Variants in CNOT6 observed in about 807,000 individuals in gnomAD.
CNOT6 encodes the protein carbon catabolite repression 4 protein.
In CNOT6, 12 loss-of-function variants were observed where a neutral mutation model predicts 61.2. That is an observed-to-expected ratio of 0.20 (90% CI 0.13 to 0.32). The LOEUF is 0.32. Among genes scored for constraint, CNOT6 ranks in the 10% least tolerant of loss-of-function variants. The probability of loss-of-function intolerance (pLI) is 1.00; values close to 1 mark genes in which losing one functional copy is unlikely to be tolerated. For missense variants in CNOT6, 405 were observed against 663.9 expected, an observed-to-expected ratio of 0.61 and a Z score of 4.28; for synonymous variants, 225 against 240.6, an observed-to-expected ratio of 0.94 and a Z score of 0.60.
chr5:180,542,569 G>A (rs1302052606), intron 2 of CNOT6, among the ~76,000 whole-genome samples: 1 of 152,098 alleles, frequency 6.6e-6, no homozygotes, highest in Non-Finnish European at 1.5e-5. Context: ...CCGGCCGCTT[G>A]TTAGTTTTTT....
chr5:180,510,303 T>C (rs1387843380), intron 1 of CNOT6, among the ~76,000 whole-genome samples: 1 of 152,000 alleles, frequency 6.6e-6, no homozygotes, highest in African/African-American at 2.4e-5. Flanking sequence ...TAGCCAGGAC[T>C]TCTATCCGTA....
chr5:180,540,847 C>T (rs1758994398), intron 2 of CNOT6, among the ~76,000 whole-genome samples: 1 of 152,138 alleles, frequency 6.6e-6, no homozygotes, highest in Non-Finnish European at 1.5e-5. Context: ...TTACTTTAAA[C>T]ACTCAAGTAA....
intron 2 of CNOT6, among the ~76,000 whole-genome samples, chr5:180,543,956 G>A (rs1161132501): frequency 1.3e-5 from 2 of 151,960 alleles, no homozygotes; most frequent in African/African-American, 2.4e-5. Flanking sequence ...GACTACAGGC[G>A]CCCGCCACCA....
At position 180,574,534 on chromosome 5, in the gene CNOT6, A is replaced by G; in HGVS notation, c.*334A>G. 3.1e-6 allele frequency: 1 copy of G among 324,294 alleles called. No homozygotes were observed. The highest frequency in any genetic ancestry group is 3.5e-5 in the South Asian group (1 of 28,944). The allele number at this position is 324,294 out of a possible 1,614,324, so 20.1% of individuals were successfully genotyped here. A position where few individuals can be genotyped will look rare whatever the true frequency, so the allele number is the denominator to read the frequency against. On this transcript the variant is annotated 3_prime_UTR_variant, in exon 12 of 12. Coordinates refer to ENST00000261951, the MANE Select transcript of CNOT6 (RefSeq NM_001370472.1). Reference sequence around the variant, plus strand: ...AACAGCGTATTCTCTTCACACAGAAATCTGTAGCACTGCTTTTTTGAGGCC... The same window carrying G: ...AACAGCGTATTCTCTTCACACAGAAGTCTGTAGCACTGCTTTTTTGAGGCC...
chr5:180,500,444 T>TTTC (rs1756821836), intron 1 of CNOT6, among the ~76,000 whole-genome samples: 1 of 147,994 alleles, frequency 6.8e-6, no homozygotes, highest in Admixed American at 6.7e-5. Context: ...TTCTTTTCTT[T>TTTC]TTTTTTTTTT....
chr5:180,546,017 ATTTC>A (rs1461629769), intron 2 of CNOT6, among the ~76,000 whole-genome samples: 1 of 149,250 alleles, frequency 6.7e-6, no homozygotes, highest in African/African-American at 2.5e-5. Context: ...ATTATGTTTT[ATTTC>A]TTTCTCTCTC....
chr5:180,559,965 T>C (rs1178103894), intron 4 of CNOT6, among the ~76,000 whole-genome samples: 1 of 152,046 alleles, frequency 6.6e-6, no homozygotes, highest in African/African-American at 2.4e-5. Flanking sequence ...TTTTTTTTTT[T>C]TGAGACAGAG....
chr5:180,541,440 A>ATTTTTTTTTTTTTTTTTTT (rs1176286473), intron 2 of CNOT6, among the ~76,000 whole-genome samples: 3 of 102,928 alleles, frequency 2.9e-5, no homozygotes. Context: ...CTGGCCAAGA[A>ATTTTTTTTTTTTTTTTTTT]ATTTTTTTTT....
chr5:180,571,928 G>C (rs561273687), intron 11 of CNOT6, among the ~76,000 whole-genome samples: 46 of 150,888 alleles, frequency 3.0e-4, no homozygotes, highest in African/African-American at 1.1e-3. Context: ...TTACTTTGTA[G>C]ATATTTATTC....
At chr5:180,540,003 A>C (rs1758951781) in intron 2 of CNOT6, among the ~76,000 whole-genome samples, 1 of 152,020 alleles carries the variant, frequency 6.6e-6, no homozygotes, top group South Asian at 2.1e-4. Context: ...CAACTGTGGG[A>C]ACTTGCTTTC....
chr5:180,516,761 A>G lies in CNOT6; in HGVS notation c.-2-12514A>G, dbSNP rs548397209. On this transcript the variant is annotated intron_variant, in intron 1 of 11. Transcript: ENST00000261951. ...TAGGGATCATTCATTGCATCTGATT[A>G]TATTCCTTAATTCTCTTCAAATCTA... 2.6e-5 allele frequency among the ~76,000 whole-genome samples: 4 copies of G among 152,332 alleles called. No homozygotes were observed. In the East Asian group the frequency reaches 5.8e-4, roughly 22 times the overall value.
chr5:180,563,633 G>C lies in CNOT6; in HGVS notation c.386-856G>C, dbSNP rs111704484. 8.5e-3 allele frequency among the ~76,000 whole-genome samples: 1,288 copies of C among 152,128 alleles called. 17 individuals carry two copies. Among genetic ancestry groups the C allele is most frequent in the African/African-American group, 0.029 (1,220 of 41,482 alleles). On this transcript the variant is annotated intron_variant, in intron 4 of 11. Transcript: ENST00000261951. ...CATATCCTTTAGTTTTTCTTCATTT[G>C]GTATGGTTAACATCTTTGACCATTT...
At chr5:180,561,040 T>A (rs1013061653) in intron 4 of CNOT6, among the ~76,000 whole-genome samples, 17 of 152,128 alleles carry the variant, frequency 1.1e-4, no homozygotes, top group Admixed American at 6.6e-4. Flanking sequence ...AGCCTTGACC[T>A]CCCAGGCTCA....
chr5:180,505,708 C>T (rs907427710), intron 1 of CNOT6, among the ~76,000 whole-genome samples: 11 of 151,620 alleles, frequency 7.3e-5, no homozygotes, highest in South Asian at 2.1e-4. Flanking sequence ...CCACCACGCC[C>T]GGCTAATTTT....
rs1192272257 is a variant in CNOT6 at position 180,575,750 on chromosome 5, A to G, written c.*1550A>G. 1 of 152,638 alleles carries G rather than the reference A, an allele frequency of 6.6e-6. No homozygotes were observed. Among genetic ancestry groups the G allele is most frequent in the East Asian group, 1.9e-4 (1 of 5,198 alleles). 9.5% of individuals were successfully genotyped at this position (152,638 alleles called of 1,614,324 possible). A position where few individuals can be genotyped will look rare whatever the true frequency, so the allele number is the denominator to read the frequency against. Reference sequence around the variant, plus strand: ...CTTCTCTCAAAAGTCAAATGAATGCAGAGGGAGCTTGGTCAAACTGCTTTT... The same window carrying G: ...CTTCTCTCAAAAGTCAAATGAATGCGGAGGGAGCTTGGTCAAACTGCTTTT... On this transcript the variant is annotated 3_prime_UTR_variant, in exon 12 of 12. Coordinates refer to ENST00000261951, the MANE Select transcript of CNOT6 (RefSeq NM_001370472.1).
At chr5:180,505,780 C>G (rs995591521) in intron 1 of CNOT6, among the ~76,000 whole-genome samples, 10 of 150,858 alleles carry the variant, frequency 6.6e-5, no homozygotes, top group Non-Finnish European at 4.4e-5. Context: ...GATCTCCTGA[C>G]CTTGTGATCC....
intron 2 of CNOT6, among the ~76,000 whole-genome samples, chr5:180,536,414 TA>T (rs1478810576): frequency 3.9e-5 from 6 of 152,280 alleles, no homozygotes; most frequent in African/African-American, 1.4e-4. Flanking sequence ...TTATCATTAT[TA>T]TTATTTTTGC....
intron 2 of CNOT6, among the ~76,000 whole-genome samples, chr5:180,542,075 T>C (rs1164659996): frequency 1.3e-5 from 2 of 152,160 alleles, no homozygotes; most frequent in African/African-American, 4.8e-5. Flanking sequence ...GTCATTCTTA[T>C]CCTTGTTTCT....
rs555827238 is a variant in CNOT6, at chr5:180,528,634, T to A, written c.-2-641T>A. Among the ~76,000 whole-genome samples, 4 of 152,290 alleles carry A rather than the reference T, an allele frequency of 2.6e-5. No homozygotes were observed. In the South Asian group the frequency reaches 8.3e-4, roughly 32 times the overall value. ...CTGGCCGATTCTTTTATTTTCTAAT[T>A]TTCAGGTGACTGAGTTTTTTGATTT... On this transcript the variant is annotated intron_variant, in intron 1 of 11. Coordinates refer to ENST00000261951, the MANE Select transcript of CNOT6 (RefSeq NM_001370472.1).
Sources: allele counts gnomAD v4.1 joint callset (sites outside exome capture counted in the v4.1 genomes callset), GRCh38; gene constraint gnomAD v4.1.1; transcripts MANE v1.5; gene names NCBI Gene and HGNC (gene_info 2026-07-23, HGNC 2026-07-21).